Variants in TET2 observed in about 807,000 individuals in gnomAD.
TET2 encodes the protein tet methylcytosine dioxygenase 2.
TET2 carries 299 observed loss-of-function variants against 142.9 expected under a neutral mutation model. That is an observed-to-expected ratio of 2.09 (90% CI 1.90 to 2.30). The LOEUF is 2.30. TET2 is among the 30% of genes most tolerant of loss of function. The probability of loss-of-function intolerance (pLI) is 0.00; values close to 1 mark genes in which losing one functional copy is unlikely to be tolerated. For synonymous variants in TET2, 819 were observed against 849.0 expected (o/e 0.96, Z 0.61); for missense variants, 2,418 against 2,378.0 (o/e 1.02, Z -0.35).
chr4:105,230,292 C>T (rs182798672), intron 2 of TET2, among the ~76,000 whole-genome samples: 1 of 152,338 alleles, frequency 6.6e-6, no homozygotes, highest in Admixed American at 6.5e-5. Flanking sequence ...GATCCACTGG[C>T]CTTAGCTTCC....
chr4:105,215,823 C>T (rs1228653498), intron 2 of TET2, among the ~76,000 whole-genome samples: 1 of 152,116 alleles, frequency 6.6e-6, no homozygotes, highest in African/African-American at 2.4e-5. Context: ...CAACTCATTT[C>T]TGGGGTTCTA....
intron 9 of TET2, 77 bp from the exon 10 acceptor site, chr4:105,272,487 G>A: frequency 1.0e-6 from 1 of 972,962 alleles, no homozygotes; most frequent in Non-Finnish European, 1.5e-6. Flanking sequence ...AATACTGAGA[G>A]GAGAAAGATA....
chr4:105,257,160 G>C (rs1578712372), intron 6 of TET2, among the ~76,000 whole-genome samples: 1 of 152,274 alleles, frequency 6.6e-6, no homozygotes, highest in East Asian at 1.9e-4. Flanking sequence ...ATGGCTGAGA[G>C]CAGTGGCTCG....
chr4:105,259,415 C>G (rs946249409), intron 6 of TET2, among the ~76,000 whole-genome samples: 2 of 152,060 alleles, frequency 1.3e-5, no homozygotes, highest in African/African-American at 4.8e-5. Context: ...AAATTATGTG[C>G]ACTTTTCTGT....
At chr4:105,232,063 C>G (rs573063317) in intron 2 of TET2, among the ~76,000 whole-genome samples, 1 of 152,076 alleles carries the variant, frequency 6.6e-6, no homozygotes, top group Non-Finnish European at 1.5e-5. Context: ...TCTGTTGTTC[C>G]CCCTCTTTGT....
chr4:105,217,059 T>C (rs545709612), intron 2 of TET2, among the ~76,000 whole-genome samples: 17 of 152,196 alleles, frequency 1.1e-4, no homozygotes, highest in Middle Eastern at 3.4e-3. Context: ...TTCTTTGTTC[T>C]TGCCCCTCCC....
chr4:105,164,538 A>G (rs1724052366), intron 1 of TET2, among the ~76,000 whole-genome samples: 1 of 152,270 alleles, frequency 6.6e-6, no homozygotes. Flanking sequence ...TCTATGTATC[A>G]GGCAAGAAGA....
chr4:105,257,216 T>G lies in TET2; in HGVS notation c.3804-2403T>G, dbSNP rs150096360. On this transcript the variant is annotated intron_variant, in intron 6 of 10. Transcript: ENST00000380013. ...TGAGAGGCCAAAGCAGGAGCATCACTTAAGCCCAGGAGTTCAAGACTAGCC... is the reference window on the plus strand; with the variant it reads ...TGAGAGGCCAAAGCAGGAGCATCACGTAAGCCCAGGAGTTCAAGACTAGCC... Among the ~76,000 whole-genome samples the G allele has an allele frequency of 2.0e-3, 310 of 152,262 alleles. 1 individual carries two copies. The highest frequency in any genetic ancestry group is 7.2e-3 in the African/African-American group (301 of 41,544).
At chr4:105,231,173 T>C (rs1728486301) in intron 2 of TET2, among the ~76,000 whole-genome samples, 1 of 152,172 alleles carries the variant, frequency 6.6e-6, no homozygotes, top group African/African-American at 2.4e-5. Flanking sequence ...CTAGGCCCCA[T>C]ACAATTCTTT....
chr4:105,251,865 A>G (rs1192547662), intron 6 of TET2, among the ~76,000 whole-genome samples: 2 of 152,198 alleles, frequency 1.3e-5, no homozygotes. Flanking sequence ...ATTTTTAAAC[A>G]TTTTTAAAAT....
At position 105,244,586 on chromosome 4, in the gene TET2, G is replaced by GTTTT. The variant is rs566674796; in HGVS notation, c.3803+831_3803+834dup. On this transcript the variant is annotated intron_variant, in intron 6 of 10. Transcript: ENST00000380013. Reference sequence around the variant, plus strand: ...AATGTTCACGGTGCTACACAGAAATGTTTTTTTTTTTTTTTTTTTTTTTTT... The same window carrying GTTTT: ...AATGTTCACGGTGCTACACAGAAATGTTTTTTTTTTTTTTTTTTTTTTTTTTTTT... Among the ~76,000 whole-genome samples, 39 of 66,694 alleles carry GTTTT rather than the reference G, an allele frequency of 5.8e-4. 5 individuals carry two copies. Among genetic ancestry groups the GTTTT allele is most frequent in the South Asian group, 1.4e-3 (2 of 1,446 alleles). The allele number at this position is 66,694 out of a possible 152,430, so 43.8% of individuals were successfully genotyped here. A position where few individuals can be genotyped will look rare whatever the true frequency, so the allele number is the denominator to read the frequency against.
chr4:105,163,854 A>AGAGAGAGAGAGAGAGAGAGAGTGTGT (rs1553942671), intron 1 of TET2, among the ~76,000 whole-genome samples: 1 of 85,168 alleles, frequency 1.2e-5, no homozygotes. Context: ...AGAGAGAGAG[A>AGAGAGAGAGAGAGAGAGAGAGTGTGT]GTGTGTGTGT....
intron 2 of TET2, among the ~76,000 whole-genome samples, chr4:105,224,468 A>G (rs565065968): frequency 6.6e-6 from 1 of 152,298 alleles, no homozygotes; most frequent in South Asian, 2.1e-4. Flanking sequence ...GATGCTGCCA[A>G]TGCGACTAGA....
chr4:105,230,072 C>T (rs2110620952), intron 2 of TET2, among the ~76,000 whole-genome samples: 2 of 152,112 alleles, frequency 1.3e-5, no homozygotes, highest in Middle Eastern at 3.4e-3. Flanking sequence ...GACAGTGTCT[C>T]ACTCTGTCAC....
intron 2 of TET2, among the ~76,000 whole-genome samples, chr4:105,233,408 G>A (rs887514150): frequency 2.7e-5 from 2 of 73,242 alleles, no homozygotes; most frequent in African/African-American, 1.5e-4. Flanking sequence ...AAAAGCTACT[G>A]CAGTAGATCA....
chr4:105,269,765 C>T lies in TET2; in HGVS notation c.4182+18C>T. The T allele has an allele frequency of 6.4e-7, 1 of 1,551,068 alleles. No homozygotes were observed. ...GCACATTGGTAAGTTGGGCTGAGGA[C>T]AGCTTAGCAGCTGTTGAGTCTGTTC... On this transcript the variant is annotated intron_variant, in intron 9 of 10. Transcript: ENST00000380013.
At chr4:105,218,468 G>T (rs1002455315) in intron 2 of TET2, among the ~76,000 whole-genome samples, 2 of 152,068 alleles carry the variant, frequency 1.3e-5, no homozygotes, top group Non-Finnish European at 1.5e-5. Context: ...GTAAAATGAG[G>T]TAAAAATTAC....
chr4:105,211,101 C>G (rs1403355657), intron 2 of TET2, among the ~76,000 whole-genome samples: 1 of 152,214 alleles, frequency 6.6e-6, no homozygotes, highest in African/African-American at 2.4e-5. Context: ...TCAGCTATAT[C>G]ATGCTAATTT....
At chr4:105,188,845 C>T (rs1014099798) in intron 1 of TET2, among the ~76,000 whole-genome samples, 12 of 151,880 alleles carry the variant, frequency 7.9e-5, no homozygotes, top group East Asian at 1.9e-4. Flanking sequence ...CACCAAGGCC[C>T]GGGGGAGGAA....
Sources: allele counts gnomAD v4.1 joint callset (sites outside exome capture counted in the v4.1 genomes callset), GRCh38; gene constraint gnomAD v4.1.1; transcripts MANE v1.5; gene names NCBI Gene and HGNC (gene_info 2026-07-23, HGNC 2026-07-21).